The following AGAP1 variants were observed in gnomAD, a reference collection of about 807,000 sequenced individuals.
AGAP1 encodes arf-GAP with GTPase, ANK repeat and PH domain-containing protein 1.
Under a neutral mutation model 105.3 loss-of-function variants are expected in AGAP1, and 29 were observed. The ratio of observed to expected loss-of-function variants is 0.28; its 90% CI spans 0.21 to 0.38. The LOEUF is 0.38. Among genes scored for constraint, AGAP1 ranks in the 10% least tolerant of loss-of-function variants. The pLI is 1.00. For missense variants in AGAP1, 998 were observed against 1,165.1 expected, an observed-to-expected ratio of 0.86 and a Z score of 2.09; for synonymous variants, 509 against 485.9, an observed-to-expected ratio of 1.05 and a Z score of -0.63.
In AGAP1 at chr2:235,706,965, A is replaced by C. The variant is rs537932933; in HGVS notation, c.164-2214A>C. 1.9e-3 allele frequency among the ~76,000 whole-genome samples: 287 copies of C among 152,356 alleles called. 3 individuals are homozygous for C. The highest frequency in any genetic ancestry group is 6.6e-3 in the African/African-American group (276 of 41,584). ...TGATGGTATTAAGACACAATTAGTT[A>C]CCCCTGACTGAGCGCTTGCTGGGTG... On this transcript the variant is annotated intron_variant, in intron 1 of 17. Transcript: ENST00000304032.
At position 235,709,241 on chromosome 2, in the gene AGAP1, A is replaced by G. The variant is rs769040477; in HGVS notation, c.222+4A>G. ...ATCTGTCCCGGAGCTCAAAGTGGTGAGTGGTTCCCTCTGGCCCTGGCACCT... is the reference window on the plus strand; with the variant it reads ...ATCTGTCCCGGAGCTCAAAGTGGTGGGTGGTTCCCTCTGGCCCTGGCACCT... On this transcript the variant is annotated splice_donor_region_variant and intron_variant, in intron 2 of 17. Transcript: ENST00000304032. 2 of 1,613,942 alleles carry G rather than the reference A, an allele frequency of 1.2e-6. No homozygotes were observed. Among genetic ancestry groups the G allele is most frequent in the Non-Finnish European group, 1.7e-6 (2 of 1,179,940 alleles).
chr2:235,624,709 A>G (rs1946585393), intron 1 of AGAP1, among the ~76,000 whole-genome samples: 1 of 152,020 alleles, frequency 6.6e-6, no homozygotes, highest in South Asian at 2.1e-4. Flanking sequence ...AGGGTTTGGA[A>G]GTTTGTCCCC....
rs1016663593 is a variant in AGAP1, at chr2:235,927,509, C to T, written c.1325-3256C>T. Among the ~76,000 whole-genome samples, 2 of 152,168 alleles carry T rather than the reference C, an allele frequency of 1.3e-5. No homozygotes were observed. The highest frequency in any genetic ancestry group is 4.8e-5 in the African/African-American group (2 of 41,448). ...TAGGCTTGAAGGAATCTCTCCCTTCCTTTTTGGCAGTGTGATGTTTGGCCA... is the reference window on the plus strand; with the variant it reads ...TAGGCTTGAAGGAATCTCTCCCTTCTTTTTTGGCAGTGTGATGTTTGGCCA... On this transcript the variant is annotated intron_variant, in intron 11 of 17. Transcript: ENST00000304032. The surrounding 1 kb of genome is among the most constrained non-coding windows in gnomAD (Gnocchi z 4.4).
At position 235,691,447 on chromosome 2, in the gene AGAP1, G is replaced by A. The variant is rs1949730718; in HGVS notation, c.164-17732G>A. Among the ~76,000 whole-genome samples the A allele has an allele frequency of 6.6e-6, 1 of 152,208 alleles. No individual in the cohort carries two copies. The highest frequency in any genetic ancestry group is 2.1e-4 in the South Asian group (1 of 4,834). ...TAGATTTAACACATCTTTAAAATCC[G>A]CTGAAGACTGTAAAGATACTCATTT... On this transcript the variant is annotated intron_variant, in intron 1 of 17. Coordinates refer to ENST00000304032, the MANE Select transcript of AGAP1 (RefSeq NM_001037131.3). This position sits in a 1 kb window ranked among gnomAD's most constrained non-coding sequence, Gnocchi z 4.4.
chr2:235,815,049 T>G (rs1958371846), intron 9 of AGAP1, among the ~76,000 whole-genome samples: 1 of 152,242 alleles, frequency 6.6e-6, no homozygotes, highest in East Asian at 1.9e-4. Context: ...TGACCACTTT[T>G]CCGAGTGCCC....
chr2:235,950,169 G>A (rs1244492259), intron 12 of AGAP1, among the ~76,000 whole-genome samples: 4 of 152,164 alleles, frequency 2.6e-5, no homozygotes, highest in Non-Finnish European at 4.4e-5. Flanking sequence ...CCTGGGTTAC[G>A]GCCCCAGTGA....
intron 6 of AGAP1, among the ~76,000 whole-genome samples, chr2:235,772,066 G>T (rs968987148): frequency 2.7e-5 from 4 of 146,184 alleles, no homozygotes; most frequent in Non-Finnish European, 5.9e-5. Context: ...TGCGATCTTG[G>T]CTTACTGCAA....
At chr2:235,816,492 C>T (rs1387546953) in intron 9 of AGAP1, among the ~76,000 whole-genome samples, 1 of 151,148 alleles carries the variant, frequency 6.6e-6, no homozygotes, top group Non-Finnish European at 1.5e-5. Flanking sequence ...GACTCCAGGT[C>T]AGACTTAGGA....
Position 235,967,317 on chromosome 2 carries a change from A to G in AGAP1, c.1484-1145A>G, listed in dbSNP as rs1326718096. Reference sequence around the variant, plus strand: ...ACCTACCCCAGCTACCCTATTTTAAATGACACCCCCCATCACTGCCGCCTC... The same window carrying G: ...ACCTACCCCAGCTACCCTATTTTAAGTGACACCCCCCATCACTGCCGCCTC... On this transcript the variant is annotated intron_variant, in intron 12 of 17. Coordinates refer to ENST00000304032, the MANE Select transcript of AGAP1 (RefSeq NM_001037131.3). The surrounding 1 kb of genome is among the most constrained non-coding windows in gnomAD (Gnocchi z 4.7). Among the ~76,000 whole-genome samples the G allele has an allele frequency of 2.6e-5, 4 of 151,994 alleles. No homozygotes were observed. The highest frequency in any genetic ancestry group is 5.9e-5 in the Non-Finnish European group (4 of 67,994).
At chr2:236,086,910 C>T (rs939532142) in intron 16 of AGAP1, among the ~76,000 whole-genome samples, 4 of 150,034 alleles carry the variant, frequency 2.7e-5, no homozygotes, top group African/African-American at 7.4e-5. Context: ...TAAAATTCCC[C>T]GCTCCCTCCC....
At position 235,799,659 on chromosome 2, in the gene AGAP1, G is replaced by T. The variant is rs1957400506; in HGVS notation, c.957+137G>T. ...AGTGAATAACATTGATTTCTGTGGA[G>T]GACTAAGAAAATTAAGAGAAGCAAA... On this transcript the variant is annotated intron_variant, in intron 8 of 17. Transcript: ENST00000304032. This position sits in a 1 kb window ranked among gnomAD's most constrained non-coding sequence, Gnocchi z 5.0. The T allele has an allele frequency of 1.9e-6, 2 of 1,037,240 alleles. No individual in the cohort carries two copies. Among genetic ancestry groups the T allele is most frequent in the South Asian group, 2.2e-5 (1 of 44,846 alleles). The allele number at this position is 1,037,240 out of a possible 1,614,324, so 64.3% of individuals were successfully genotyped here. A position where few individuals can be genotyped will look rare whatever the true frequency, so the allele number is the denominator to read the frequency against.
rs2049819917 is a variant in AGAP1 at position 235,877,843 on chromosome 2, G to A, written c.1051-5502G>A. ...TACACCCAACCACTGGTCTAAAGTG[G>A]GCCACACTTTGAGCTGGAAAGTGCT... is the stretch of plus-strand genomic sequence containing the variant. On this transcript the variant is annotated intron_variant, in intron 9 of 17. Transcript: ENST00000304032. This position sits in a 1 kb window ranked among gnomAD's most constrained non-coding sequence, Gnocchi z 4.3. 6.6e-6 allele frequency among the ~76,000 whole-genome samples: 1 copy of A among 152,094 alleles called. No individual in the cohort carries two copies.
intron 1 of AGAP1, among the ~76,000 whole-genome samples, chr2:235,581,662 C>T (rs988541212): frequency 2.0e-5 from 3 of 151,576 alleles, no homozygotes; most frequent in East Asian, 2.0e-4. Context: ...AAAAATTAGC[C>T]GGGTGTAGTG....
In AGAP1 at chr2:236,005,679, G is replaced by C. The variant is rs1404422545; in HGVS notation, c.1646-30882G>C. Among the ~76,000 whole-genome samples, 1 of 152,152 alleles carries C rather than the reference G, an allele frequency of 6.6e-6. No individual in the cohort carries two copies. The highest frequency in any genetic ancestry group is 2.4e-5 in the African/African-American group (1 of 41,426). On this transcript the variant is annotated intron_variant, in intron 13 of 17. Transcript: ENST00000304032. This position sits in a 1 kb window ranked among gnomAD's most constrained non-coding sequence, Gnocchi z 4.1. ...CTTTGATGACCTTGAAGGTCTTGAG[G>C]CATGCTGGGCCAGGTGTATGATAGG...
intron 1 of AGAP1, among the ~76,000 whole-genome samples, chr2:235,603,247 T>C (rs58997616): frequency 0.062 from 9,504 of 152,280 alleles, 1,018 homozygotes; most frequent in African/African-American, 0.22. Context: ...CCATGTAAGA[T>C]GTGCCTTTCA....
At position 235,960,151 on chromosome 2, in the gene AGAP1, G is replaced by C. The variant is rs377054556; in HGVS notation, c.1484-8311G>C. 3.3e-5 allele frequency among the ~76,000 whole-genome samples: 5 copies of C among 152,240 alleles called. No individual in the cohort carries two copies. The East Asian group carries it at 5.8e-4, about 18-fold the overall frequency. Reference sequence around the variant, plus strand: ...TTGCGGACCCACCCTGGAGGACCTCGGCCCTGTAAGCAGCAGATCAGAGCG... The same window carrying C: ...TTGCGGACCCACCCTGGAGGACCTCCGCCCTGTAAGCAGCAGATCAGAGCG... On this transcript the variant is annotated intron_variant, in intron 12 of 17. Coordinates refer to ENST00000304032, the MANE Select transcript of AGAP1 (RefSeq NM_001037131.3). The surrounding 1 kb of genome is among the most constrained non-coding windows in gnomAD (Gnocchi z 4.9).
In AGAP1 at chr2:235,536,666, CACACACACA is replaced by C. The variant is rs1559231740; in HGVS notation, c.163+41818_163+41826del. Among the ~76,000 whole-genome samples the C allele has an allele frequency of 1.2e-3, 175 of 150,892 alleles. 1 individual carries two copies. Among genetic ancestry groups the C allele is most frequent in the Admixed American group, 2.1e-3 (31 of 15,058 alleles). On this transcript the variant is annotated intron_variant, in intron 1 of 17. Coordinates refer to ENST00000304032, the MANE Select transcript of AGAP1 (RefSeq NM_001037131.3). ...ACACACACACACACACACACACACA[CACACACACA>C]CACCCCTTGCTTATGTCCTCCACCC...
chr2:235,853,202 A>C (rs571496533), intron 9 of AGAP1: 1 of 1,046,152 alleles, frequency 9.6e-7, no homozygotes, highest in Non-Finnish European at 1.1e-6. Context: ...TCCAAGATTG[A>C]GCGGATCTGT....
At chr2:235,995,272 T>TG (rs1051352136) in intron 13 of AGAP1, among the ~76,000 whole-genome samples, 3 of 152,048 alleles carry the variant, frequency 2.0e-5, no homozygotes, top group African/African-American at 7.2e-5. Flanking sequence ...CCCAACACTT[T>TG]GGGGAGCCGA....
Sources: gnomAD v4.1 joint callset for allele counts (sites outside exome capture counted in the v4.1 genomes callset) on GRCh38, gnomAD v4.1.1 for gene constraint, Gnocchi (gnomAD v3.1) non-coding constraint, MANE v1.5 for transcripts, NCBI Gene and HGNC (gene_info 2026-07-23, HGNC 2026-07-21) for gene names.